Variants in ROBO1 observed in about 807,000 individuals in gnomAD.
The protein encoded by ROBO1 is roundabout guidance receptor 1.
In ROBO1, 149 loss-of-function variants were observed where a neutral mutation model predicts 195.9. The ratio of observed to expected loss-of-function variants is 0.76; its 90% CI spans 0.67 to 0.87. The LOEUF (loss-of-function observed/expected upper bound fraction) is 0.87, where lower values mean the gene tolerates loss of function less well. Ranked by LOEUF, ROBO1 falls within the 40% of genes least tolerant of loss-of-function variation. The pLI, the probability that ROBO1 is intolerant of heterozygous loss-of-function variation, is 0.00. For synonymous variants in ROBO1, 816 were observed against 733.2 expected (o/e 1.11, Z -1.82); for missense variants, 1,933 against 2,068.3 (o/e 0.93, Z 1.27).
intron 2 of ROBO1, among the ~76,000 whole-genome samples, chr3:79,424,622 C>T (rs2038370141): frequency 6.6e-6 from 1 of 152,052 alleles, no homozygotes; most frequent in Non-Finnish European, 1.5e-5. Context: ...TGTCATTCTT[C>T]TCTTACTTTT....
intron 2 of ROBO1, among the ~76,000 whole-genome samples, chr3:79,500,639 G>A (rs931569158): frequency 2.6e-5 from 4 of 152,126 alleles, no homozygotes; most frequent in African/African-American, 9.7e-5. Context: ...GCAACCTCTA[G>A]GAAACGCCTT....
rs147138771 is a variant in ROBO1 at position 79,244,690 on chromosome 3, G to A, written c.89-119151C>T. Among the ~76,000 whole-genome samples, 3 of 152,108 alleles carry A rather than the reference G, an allele frequency of 2.0e-5. No individual in the cohort carries two copies. The East Asian group carries it at 5.8e-4, about 29-fold the overall frequency. On this transcript the variant is annotated intron_variant, in intron 2 of 30. Coordinates refer to ENST00000464233, the MANE Select transcript of ROBO1 (RefSeq NM_002941.4). ...TCAAAGAACCAAGTTTCGTATCTAT[G>A]CTCTGATTCTATATATAAATCCAAG...
At chr3:79,355,400 C>G (rs958283811) in intron 2 of ROBO1, among the ~76,000 whole-genome samples, 3 of 152,202 alleles carry the variant, frequency 2.0e-5, no homozygotes, top group African/African-American at 7.2e-5. Context: ...AAACATGTGT[C>G]ATTTCTTTGT....
chr3:79,357,319 T>C (rs1051547332), intron 2 of ROBO1, among the ~76,000 whole-genome samples: 3 of 152,168 alleles, frequency 2.0e-5, no homozygotes, highest in Non-Finnish European at 4.4e-5. Context: ...AAGAGGCTTC[T>C]CTATATATTT....
chr3:79,720,494 C>T (rs1473834251), intron 1 of ROBO1, among the ~76,000 whole-genome samples: 2 of 152,122 alleles, frequency 1.3e-5, no homozygotes, highest in Non-Finnish European at 2.9e-5. Flanking sequence ...TCCAGTCCAA[C>T]CAATGAAATA....
intron 4 of ROBO1, among the ~76,000 whole-genome samples, chr3:78,771,002 G>A (rs146232034): frequency 5.3e-5 from 8 of 152,186 alleles, no homozygotes; most frequent in African/African-American, 1.7e-4. Context: ...AGCTGGTTGA[G>A]GCTTTAGTGA....
At chr3:79,593,854 G>C (rs1285078931) in intron 1 of ROBO1, among the ~76,000 whole-genome samples, 2 of 151,736 alleles carry the variant, frequency 1.3e-5, no homozygotes. Context: ...TGAGCACAAG[G>C]GATCTGCCCG....
At chr3:79,506,249 G>T (rs1274238289) in intron 2 of ROBO1, among the ~76,000 whole-genome samples, 1 of 152,088 alleles carries the variant, frequency 6.6e-6, no homozygotes, top group Non-Finnish European at 1.5e-5. Context: ...ATAGTAAGTG[G>T]AGGCAGCAAT....
At chr3:78,772,208 AG>A (rs35955355) in intron 4 of ROBO1, among the ~76,000 whole-genome samples, 100,137 of 151,746 alleles carry the variant, frequency 0.66, 33,244 homozygotes, top group Middle Eastern at 0.73. Flanking sequence ...AGATTACAAT[AG>A]TCATTACCAT....
At chr3:79,080,257 T>C (rs532465891) in intron 3 of ROBO1, among the ~76,000 whole-genome samples, 144 of 152,054 alleles carry the variant, frequency 9.5e-4, no homozygotes, top group Non-Finnish European at 1.7e-3. Context: ...AGTTACGTTG[T>C]TTTGGTACCG....
chr3:79,045,219 AAG>A (rs1464124737), intron 3 of ROBO1, among the ~76,000 whole-genome samples: 1 of 152,090 alleles, frequency 6.6e-6, no homozygotes, highest in Non-Finnish European at 1.5e-5. Context: ...GCAATCCATG[AAG>A]AGACTAACAA....
At chr3:79,101,568 C>A (rs1217309708) in intron 3 of ROBO1, among the ~76,000 whole-genome samples, 2 of 151,804 alleles carry the variant, frequency 1.3e-5, no homozygotes, top group Non-Finnish European at 2.9e-5. Context: ...CTTGCTTCTG[C>A]TGAAGGCTCT....
At chr3:78,732,903 G>A (rs984606440) in intron 5 of ROBO1, among the ~76,000 whole-genome samples, 3 of 152,074 alleles carry the variant, frequency 2.0e-5, no homozygotes, top group Non-Finnish European at 2.9e-5. Context: ...TGATCACCTC[G>A]ATTTGTAAGA....
intron 19 of ROBO1, among the ~76,000 whole-genome samples, chr3:78,651,276 G>A (rs936920514): frequency 1.3e-5 from 2 of 152,082 alleles, no homozygotes; most frequent in Admixed American, 6.6e-5. Context: ...TATTCACCAA[G>A]AAAGGAGTAT....
rs77007783 is a variant in ROBO1, at chr3:78,925,158, A to G, written c.499+13443T>C. On this transcript the variant is annotated intron_variant, in intron 4 of 30. Coordinates refer to ENST00000464233, the MANE Select transcript of ROBO1 (RefSeq NM_002941.4). ...AATACTTTTTTCTGCTTATGTAACA[A>G]TTTAAGGAAACTTTTGCTTATTTCT... 2.6e-5 allele frequency among the ~76,000 whole-genome samples: 4 copies of G among 152,262 alleles called. No homozygotes were observed. The East Asian group carries it at 7.7e-4, about 29-fold the overall frequency.
intron 4 of ROBO1, among the ~76,000 whole-genome samples, chr3:78,841,854 C>T (rs331134): frequency 0.32 from 48,529 of 151,758 alleles, 7,943 homozygotes; most frequent in Non-Finnish European, 0.36. Flanking sequence ...TTAATAAAGC[C>T]CTTTCATTAG....
chr3:79,600,944 A>C (rs1025008657), intron 1 of ROBO1, among the ~76,000 whole-genome samples: 1 of 152,018 alleles, frequency 6.6e-6, no homozygotes, highest in Non-Finnish European at 1.5e-5. Flanking sequence ...TACAAAAATG[A>C]ATGACAGTGC....
intron 1 of ROBO1, among the ~76,000 whole-genome samples, chr3:79,739,717 G>GT (rs1043167674): frequency 1.5e-3 from 232 of 152,244 alleles, no homozygotes; most frequent in African/African-American, 5.4e-3. Flanking sequence ...TCTTTATGGT[G>GT]TATCTACTAA....
At chr3:78,884,901 T>TGTG (rs2036455249) in intron 4 of ROBO1, among the ~76,000 whole-genome samples, 1 of 151,864 alleles carries the variant, frequency 6.6e-6, no homozygotes, top group African/African-American at 2.4e-5. Flanking sequence ...TGTATTTCTC[T>TGTG]TCTGTATGTT....
Sources: allele counts gnomAD v4.1 joint callset (sites outside exome capture counted in the v4.1 genomes callset), GRCh38; gene constraint gnomAD v4.1.1; transcripts MANE v1.5; gene names NCBI Gene and HGNC (gene_info 2026-07-23, HGNC 2026-07-21).